Variants in TGFBRAP1 observed in about 807,000 individuals in gnomAD.
TGFBRAP1 encodes the protein transforming growth factor beta receptor associated protein 1.
TGFBRAP1 carries 20 observed loss-of-function variants against 83.2 expected under a neutral mutation model. That is an observed-to-expected ratio of 0.24 (90% CI 0.17 to 0.35). The LOEUF (loss-of-function observed/expected upper bound fraction) is 0.35, where lower values mean the gene tolerates loss of function less well. Ranked by LOEUF, TGFBRAP1 falls within the 10% of genes least tolerant of loss-of-function variation. The probability of loss-of-function intolerance (pLI) is 1.00; values close to 1 mark genes in which losing one functional copy is unlikely to be tolerated. For synonymous variants in TGFBRAP1, 415 were observed against 459.8 expected, an observed-to-expected ratio of 0.90 and a Z score of 1.25; for missense variants, 950 against 1,099.4, an observed-to-expected ratio of 0.86 and a Z score of 1.92.
chr2:105,289,657 G>A (rs776637309), intron 4 of TGFBRAP1, among the ~76,000 whole-genome samples: 61 of 152,202 alleles, frequency 4.0e-4, no homozygotes, highest in Non-Finnish European at 6.9e-4. Context: ...GCTGCACAGC[G>A]CTGCAGCACC....
At chr2:105,320,709 C>T (rs565182426) in intron 1 of TGFBRAP1, among the ~76,000 whole-genome samples, 1 of 152,252 alleles carries the variant, frequency 6.6e-6, no homozygotes, top group South Asian at 2.1e-4. Flanking sequence ...TCCATAATAT[C>T]AGTCTCTTAT....
chr2:105,280,102 A>G (rs1677481719), intron 6 of TGFBRAP1, among the ~76,000 whole-genome samples: 1 of 152,076 alleles, frequency 6.6e-6, no homozygotes, highest in African/African-American at 2.4e-5. Flanking sequence ...CACAAAGCAT[A>G]TTACTAGTTC....
intron 4 of TGFBRAP1, among the ~76,000 whole-genome samples, chr2:105,287,093 A>C (rs1367390326): frequency 1.3e-5 from 2 of 152,188 alleles, no homozygotes; most frequent in Non-Finnish European, 2.9e-5. Flanking sequence ...GAAGTCAGCC[A>C]GTCACAAGAC....
At chr2:105,293,257 TTGTG>T (rs997272233) in intron 4 of TGFBRAP1, among the ~76,000 whole-genome samples, 1 of 152,258 alleles carries the variant, frequency 6.6e-6, no homozygotes, top group African/African-American at 2.4e-5. Flanking sequence ...AGGTAATATT[TTGTG>T]TGTGTGACAC....
In TGFBRAP1 at chr2:105,298,712, G is replaced by C; in HGVS notation, c.689-7C>G. The C allele has an allele frequency of 6.4e-7, 1 of 1,562,862 alleles. No homozygotes were observed. The highest frequency in any genetic ancestry group is 8.7e-7 in the Non-Finnish European group (1 of 1,148,282). ...GCGACTGTGGCAAACATGCCTAGAA[G>C]TAAGAAGAAAGAGTTAGGTAGGCTT... On this transcript the variant is annotated splice_region_variant and splice_polypyrimidine_tract_variant and intron_variant, in intron 2 of 11. Coordinates refer to ENST00000393359, the MANE Select transcript of TGFBRAP1 (RefSeq NM_004257.6).
the TGFBRAP1 span, chr2:105,249,649 A>G: frequency 2.0e-5 from 3 of 152,250 alleles, no homozygotes; most frequent in Non-Finnish European, 2.9e-5. Flanking sequence ...GAACTTTGCC[A>G]GGATAAGAAA....
intron 1 of TGFBRAP1, among the ~76,000 whole-genome samples, chr2:105,327,044 T>G (rs1679243372): frequency 6.6e-6 from 1 of 152,182 alleles, no homozygotes; most frequent in Admixed American, 6.5e-5. Context: ...GCCAAATTAT[T>G]CGGCAGTATC....
the TGFBRAP1 span, among the ~76,000 whole-genome samples, chr2:105,258,019 G>T: frequency 6.6e-6 from 1 of 152,214 alleles, no homozygotes; most frequent in Admixed American, 6.5e-5. Context: ...AATGGAAAAT[G>T]GAAAAACTGC....
intron 3 of TGFBRAP1, among the ~76,000 whole-genome samples, chr2:105,296,874 C>T (rs942312283): frequency 7.1e-6 from 1 of 140,764 alleles, no homozygotes; most frequent in African/African-American, 2.6e-5. Context: ...GGAACATTAT[C>T]AATAAGAATA....
At chr2:105,311,032 T>C (rs1410302416) in intron 1 of TGFBRAP1, among the ~76,000 whole-genome samples, 3 of 151,350 alleles carry the variant, frequency 2.0e-5, no homozygotes, top group African/African-American at 4.9e-5. Flanking sequence ...TCAGTTAGCA[T>C]AAGGGATAAA....
rs751062180 is a variant in TGFBRAP1, at chr2:105,269,301, A to T, written c.2377T>A (p.Ser793Thr). ...TMQVALGLAR[S>T]ENLIYTYDKM... is the part of the protein sequence containing the mutation. ...TCGTAGGTGTAGATTAAGTTTTCGG[A>T]CCTGGCCAGGCCGAGAGCCACCTGC... Residue 793 changes from serine (S) to threonine (T), a missense_variant, in exon 11 of 12, where the codon TCC (serine) becomes ACC (threonine). Physicochemically the swap from Ser to Thr is moderately conservative, Grantham distance 58 (BLOSUM62 1). Transcript: ENST00000393359. The surrounding 1 kb of genome is among the most constrained non-coding windows in gnomAD (Gnocchi z 4.1). The T allele has an allele frequency of 6.8e-6, 11 of 1,610,040 alleles. No homozygotes were observed.
At chr2:105,279,169 G>A (rs1412138880) in intron 6 of TGFBRAP1, among the ~76,000 whole-genome samples, 1 of 152,186 alleles carries the variant, frequency 6.6e-6, no homozygotes, top group Non-Finnish European at 1.5e-5. Flanking sequence ...CCAGAATGGA[G>A]AAGCTGCTGG....
chr2:105,327,688 G>T lies in TGFBRAP1; in HGVS notation c.-18+1937C>A, dbSNP rs138726229. Reference sequence around the variant, plus strand: ...CTGGAGCTGCCTAAATGAAGAATGGGCCCTTTACAAATCCCTGTCTCTGGA... The same window carrying T: ...CTGGAGCTGCCTAAATGAAGAATGGTCCCTTTACAAATCCCTGTCTCTGGA... On this transcript the variant is annotated intron_variant, in intron 1 of 11. Coordinates refer to ENST00000393359, the MANE Select transcript of TGFBRAP1 (RefSeq NM_004257.6). 4.5e-3 allele frequency among the ~76,000 whole-genome samples: 684 copies of T among 152,260 alleles called. 5 individuals carry two copies. The highest frequency in any genetic ancestry group is 0.016 in the African/African-American group (652 of 41,550).
chr2:105,297,028 C>G (rs1262335894), intron 3 of TGFBRAP1, among the ~76,000 whole-genome samples: 1 of 151,988 alleles, frequency 6.6e-6, no homozygotes, highest in African/African-American at 2.4e-5. Context: ...TTAATGTATT[C>G]ATCTCCCCAC....
At chr2:105,305,508 C>T (rs1678464652) in intron 2 of TGFBRAP1, among the ~76,000 whole-genome samples, 1 of 152,092 alleles carries the variant, frequency 6.6e-6, no homozygotes, top group Non-Finnish European at 1.5e-5. Flanking sequence ...TAGTTAAGTC[C>T]ATAAGAGCAC....
chr2:105,313,904 A>G (rs1167692893), intron 1 of TGFBRAP1, among the ~76,000 whole-genome samples: 1 of 152,128 alleles, frequency 6.6e-6, no homozygotes, highest in Non-Finnish European at 1.5e-5. Context: ...AACAAGGAAC[A>G]AGACAAGAAT....
chr2:105,318,191 C>T (rs1678944949), intron 1 of TGFBRAP1, among the ~76,000 whole-genome samples: 1 of 152,138 alleles, frequency 6.6e-6, no homozygotes. Flanking sequence ...CACAGGAAAA[C>T]TAGAAACACC....
chr2:105,272,516 C>T (rs977044061), intron 10 of TGFBRAP1, among the ~76,000 whole-genome samples: 2 of 152,128 alleles, frequency 1.3e-5, no homozygotes, highest in African/African-American at 2.4e-5. Context: ...TCTAGAGGCA[C>T]GGTCCATCTC....
chr2:105,267,479 C>T lies in TGFBRAP1; in HGVS notation c.2487G>A (p.Val829=). The change falls in exon 12 of 12, where the codon GTG becomes GTA. Residue 829 remains valine (V), a synonymous_variant. Coordinates refer to ENST00000393359, the MANE Select transcript of TGFBRAP1 (RefSeq NM_004257.6). ...GACCACCATTTGGGTATCTAACAAA[C>T]ACAGGCTCACAAAAGGGATTTTGGC... ...QICQNPFCEP[V]FVRYPNGGLV... is the part of the protein sequence containing the mutation. The T allele has an allele frequency of 6.2e-7, 1 of 1,614,214 alleles. No homozygotes were observed. Among genetic ancestry groups the T allele is most frequent in the Non-Finnish European group, 8.5e-7 (1 of 1,180,048 alleles).
Sources: allele counts gnomAD v4.1 joint callset (sites outside exome capture counted in the v4.1 genomes callset), GRCh38; gene constraint gnomAD v4.1.1; non-coding constraint Gnocchi (gnomAD v3.1); transcripts MANE v1.5; gene names NCBI Gene and HGNC (gene_info 2026-07-23, HGNC 2026-07-21).